The following COA1 variants were observed in gnomAD, a reference collection of about 807,000 sequenced individuals.
COA1 encodes cytochrome c oxidase assembly factor 1.
COA1 carries 13 observed loss-of-function variants against 16.0 expected under a neutral mutation model. That is an observed-to-expected ratio of 0.81 (90% CI 0.53 to 1.29). The LOEUF (loss-of-function observed/expected upper bound fraction) is 1.29, where lower values mean the gene tolerates loss of function less well. COA1 is among the 50% of genes most tolerant of loss of function. The pLI, the probability that COA1 is intolerant of heterozygous loss-of-function variation, is 0.00. For missense variants in COA1, 179 were observed against 177.0 expected (o/e 1.01, Z -0.06); for synonymous variants, 65 against 65.7 (o/e 0.99, Z 0.05).
rs546208922 is a variant in COA1 at position 43,705,445 on chromosome 7, A to C, written c.-39+23984T>G. Among the ~76,000 whole-genome samples the C allele has an allele frequency of 3.4e-4, 52 of 152,316 alleles. No individual in the cohort carries two copies. In the East Asian group the frequency reaches 9.5e-3, roughly 28 times the overall value. On this transcript the variant is annotated intron_variant, in intron 1 of 5. Transcript: ENST00000223336. Reference sequence around the variant, plus strand: ...TGGACAGATACGGTCTTATGGCAAAAAGCTATAGTGATGGCTGCTGGCAAG... The same window carrying C: ...TGGACAGATACGGTCTTATGGCAAACAGCTATAGTGATGGCTGCTGGCAAG...
chr7:43,615,705 C>A (rs2083281471), intron 6 of COA1, among the ~76,000 whole-genome samples: 2 of 152,140 alleles, frequency 1.3e-5, no homozygotes, highest in Non-Finnish European at 2.9e-5. Context: ...TCCCACCACT[C>A]GTACCCCTTT....
intron 6 of COA1, among the ~76,000 whole-genome samples, chr7:43,618,860 T>C (rs1041500772): frequency 4.6e-5 from 7 of 152,088 alleles, no homozygotes; most frequent in Non-Finnish European, 1.0e-4. Context: ...CATCAGTATG[T>C]AAGTGGCAGC....
chr7:43,663,885 C>A (rs1209847848), intron 1 of COA1, among the ~76,000 whole-genome samples: 1 of 151,858 alleles, frequency 6.6e-6, no homozygotes, highest in Non-Finnish European at 1.5e-5. Flanking sequence ...CCAAGGCAGG[C>A]AGATGGCTTG....
At chr7:43,679,744 G>C (rs1017996881) in intron 1 of COA1, among the ~76,000 whole-genome samples, 4 of 152,164 alleles carry the variant, frequency 2.6e-5, no homozygotes, top group Non-Finnish European at 5.9e-5. Context: ...CCCAGTCAAG[G>C]ATAGTGGAGT....
intron 1 of COA1, among the ~76,000 whole-genome samples, chr7:43,688,242 A>G (rs556871430): frequency 1.1e-4 from 16 of 152,348 alleles, no homozygotes; most frequent in African/African-American, 3.4e-4. Flanking sequence ...TCAGAGCTCC[A>G]CTATGACATA....
At position 43,691,327 on chromosome 7, in the gene COA1, A is replaced by AAGAAAGAAAGAG. The variant is rs1554542189; in HGVS notation, c.-39+38101_-39+38102insCTCTTTCTTTCT. Among the ~76,000 whole-genome samples the AAGAAAGAAAGAG allele has an allele frequency of 3.5e-4, 32 of 90,478 alleles. 1 individual carries two copies. The highest frequency in any genetic ancestry group is 5.8e-4 in the Non-Finnish European group (25 of 43,104). The allele number at this position is 90,478 out of a possible 152,430, so 59.4% of individuals were successfully genotyped here. A position where few individuals can be genotyped will look rare whatever the true frequency, so the allele number is the denominator to read the frequency against. ...AAAGAAAGAAAGAAAGAAAGAAAGA[A>AAGAAAGAAAGAG]AGAGAAAGAGAGAGAGGGAGGGAGG... On this transcript the variant is annotated intron_variant, in intron 1 of 5. Transcript: ENST00000223336.
intron 1 of COA1, among the ~76,000 whole-genome samples, chr7:43,676,370 G>A (rs2093517159): frequency 6.6e-6 from 1 of 152,024 alleles, no homozygotes; most frequent in African/African-American, 2.4e-5. Context: ...ACAGAATAAT[G>A]GGTAAAGAAA....
chr7:43,648,611 T>A lies in COA1; in HGVS notation c.4A>T (p.Met2Leu). 6.2e-7 allele frequency: 1 copy of A among 1,614,120 alleles called. No homozygotes were observed. The highest frequency in any genetic ancestry group is 8.5e-7 in the Non-Finnish European group (1 of 1,179,972). ...GAACATTCCATTACCTTTTGCCACA[T>A]CATAGCACAACTCTCTTGAAAATCA... The part of the protein sequence containing the change: M[M>L]WQKYAGSRRS... Residue 2 changes from methionine to leucine, a missense_variant, in exon 2 of 6, where the codon ATG becomes TTG. Met to Leu is a conservative substitution (Grantham distance 15). Transcript: ENST00000223336.
At chr7:43,616,090 T>G (rs1019207421) in intron 6 of COA1, among the ~76,000 whole-genome samples, 1 of 152,222 alleles carries the variant, frequency 6.6e-6, no homozygotes, top group African/African-American at 2.4e-5. Flanking sequence ...AGGGCCTAGC[T>G]CATTAGGCAA....
At chr7:43,644,747 TAGATAGATAGATAGGCAGGC>T (rs1307519558) in intron 4 of COA1, among the ~76,000 whole-genome samples, 133 of 113,658 alleles carry the variant, frequency 1.2e-3, no homozygotes, top group African/African-American at 2.8e-3. Context: ...GATAGATAGA[TAGATAGATAGATAGGCAGGC>T]AGGCAGGCAG....
chr7:43,629,326 C>T (rs1468691106), intron 6 of COA1, among the ~76,000 whole-genome samples: 2 of 152,162 alleles, frequency 1.3e-5, no homozygotes, highest in African/African-American at 4.8e-5. Context: ...CAATTTCCAC[C>T]AAACTACTCC....
At chr7:43,667,918 T>C (rs1408732344) in intron 1 of COA1, among the ~76,000 whole-genome samples, 2 of 152,258 alleles carry the variant, frequency 1.3e-5, no homozygotes, top group African/African-American at 2.4e-5. Context: ...TTGGAGCATG[T>C]TTCTTTTTCT....
At chr7:43,683,494 C>G (rs1179812389) in intron 1 of COA1, among the ~76,000 whole-genome samples, 1 of 152,050 alleles carries the variant, frequency 6.6e-6, no homozygotes, top group Non-Finnish European at 1.5e-5. Flanking sequence ...GTTAGCCAGG[C>G]ATGGTGGCAG....
At chr7:43,691,415 GAAAGAAAA>G (rs2094341795) in intron 1 of COA1, among the ~76,000 whole-genome samples, 1 of 93,570 alleles carries the variant, frequency 1.1e-5, no homozygotes, top group Non-Finnish European at 2.1e-5. Context: ...AAGGAAGGAA[GAAAGAAAA>G]AGAAAGAAAG....
At position 43,729,454 on chromosome 7, in the gene COA1, A is replaced by G. The variant is rs921331063; in HGVS notation, c.-64T>C. On this transcript the variant is annotated 5_prime_UTR_variant, in exon 1 of 6. Transcript: ENST00000223336. Reference sequence around the variant, plus strand: ...CTGTGAGCAACAGAAGCACCACGCTACAAAGAGCATGACGAGTTCTTCCAG... The same window carrying G: ...CTGTGAGCAACAGAAGCACCACGCTGCAAAGAGCATGACGAGTTCTTCCAG... 9.2e-5 allele frequency: 14 copies of G among 152,314 alleles called. No individual in the cohort carries two copies. The highest frequency in any genetic ancestry group is 3.3e-4 in the Admixed American group (5 of 15,288). 9.4% of individuals were successfully genotyped at this position (152,314 alleles called of 1,614,324 possible). A position where few individuals can be genotyped will look rare whatever the true frequency, so the allele number is the denominator to read the frequency against.
chr7:43,647,896 C>T, intron 2 of COA1: 2 of 451,940 alleles, frequency 4.4e-6, no homozygotes, highest in Non-Finnish European at 4.0e-6. Flanking sequence ...CAGCCCAGCA[C>T]AGAGCGAGCA....
At chr7:43,720,275 CAA>C (rs879700626) in intron 1 of COA1, among the ~76,000 whole-genome samples, 1 of 137,192 alleles carries the variant, frequency 7.3e-6, no homozygotes. Flanking sequence ...AAAACTCTGT[CAA>C]AAAAAAAAAG....
chr7:43,664,482 T>C (rs904816510), intron 1 of COA1, among the ~76,000 whole-genome samples: 1 of 152,210 alleles, frequency 6.6e-6, no homozygotes, highest in African/African-American at 2.4e-5. Flanking sequence ...AAATATAGAA[T>C]ATAAATAACG....
At chr7:43,661,716 A>G (rs1036302691) in intron 1 of COA1, among the ~76,000 whole-genome samples, 3 of 152,228 alleles carry the variant, frequency 2.0e-5, no homozygotes, top group Admixed American at 2.0e-4. Flanking sequence ...TCTAACTTCA[A>G]TCACTCTTGG....
Sources: allele counts gnomAD v4.1 joint callset (sites outside exome capture counted in the v4.1 genomes callset), GRCh38; gene constraint gnomAD v4.1.1; transcripts MANE v1.5; gene names NCBI Gene and HGNC (gene_info 2026-07-23, HGNC 2026-07-21).